The following CENPW variants were observed in gnomAD, a reference collection of about 807,000 sequenced individuals.
The protein encoded by CENPW is centromere protein W.
In CENPW, 3 loss-of-function variants were observed where a neutral mutation model predicts 11.1. That is an observed-to-expected ratio of 0.27 (90% CI 0.12 to 0.70). The LOEUF (loss-of-function observed/expected upper bound fraction) is 0.70, where lower values mean the gene tolerates loss of function less well. CENPW is among the 30% of genes least tolerant of loss of function. The pLI is 0.77. For missense variants in CENPW, 100 were observed against 105.6 expected (o/e 0.95, Z 0.23); for synonymous variants, 38 against 42.0 (o/e 0.91, Z 0.37).
chr6:126,385,454 A>G, the CENPW span, among the ~76,000 whole-genome samples: 4 of 152,096 alleles, frequency 2.6e-5, no homozygotes, highest in Admixed American at 2.0e-4. Context: ...GTCCTTTGAG[A>G]GATACTATTA....
At chr6:126,410,449 C>T in the CENPW span, among the ~76,000 whole-genome samples, 2 of 151,962 alleles carry the variant, frequency 1.3e-5, no homozygotes, top group Non-Finnish European at 2.9e-5. Context: ...TGATTTTTGA[C>T]AATTTGACTA....
At chr6:126,367,576 G>A in the CENPW span, among the ~76,000 whole-genome samples, 1 of 152,178 alleles carries the variant, frequency 6.6e-6, no homozygotes, top group African/African-American at 2.4e-5. Context: ...TTAGAGTGTA[G>A]CAGGGTAGAT....
the CENPW span, among the ~76,000 whole-genome samples, chr6:126,361,103 A>G: frequency 2.0e-5 from 3 of 152,314 alleles, no homozygotes; most frequent in African/African-American, 7.2e-5. Flanking sequence ...TTCGCGATGC[A>G]TTCAGAGGGT....
the CENPW span, among the ~76,000 whole-genome samples, chr6:126,367,131 C>T: frequency 2.0e-5 from 3 of 151,772 alleles, no homozygotes; most frequent in African/African-American, 4.8e-5. Context: ...AAATATTTAC[C>T]AGTGGAAAAT....
chr6:126,371,289 A>G, the CENPW span, among the ~76,000 whole-genome samples: 2 of 152,088 alleles, frequency 1.3e-5, no homozygotes, highest in Admixed American at 1.3e-4. Context: ...TGAGGGTTTT[A>G]ATCATAAAGG....
the CENPW span, among the ~76,000 whole-genome samples, chr6:126,383,290 GA>G: frequency 6.6e-6 from 1 of 152,040 alleles, no homozygotes; most frequent in African/African-American, 2.4e-5. Context: ...AATATGAAAA[GA>G]AAAGATCACT....
chr6:126,461,862 C>T, the CENPW span, among the ~76,000 whole-genome samples: 1 of 151,810 alleles, frequency 6.6e-6, no homozygotes. Context: ...AATTAGAAGG[C>T]CCAACTAGAT....
the CENPW span, among the ~76,000 whole-genome samples, chr6:126,473,844 T>C: frequency 6.7e-6 from 1 of 148,932 alleles, no homozygotes; most frequent in African/African-American, 2.4e-5. Context: ...AGCATAGATA[T>C]ATAGAATATA....
chr6:126,375,913 GAAATTT>G, the CENPW span, among the ~76,000 whole-genome samples: 1 of 152,238 alleles, frequency 6.6e-6, no homozygotes, highest in African/African-American at 2.4e-5. Context: ...TCCAGCCTAG[GAAATTT>G]AAAAGATTTT....
chr6:126,414,572 A>G, the CENPW span, among the ~76,000 whole-genome samples: 1 of 152,122 alleles, frequency 6.6e-6, no homozygotes, highest in African/African-American at 2.4e-5. Flanking sequence ...GAAGAAATTA[A>G]TTAGGAAATT....
chr6:126,392,329 C>G, the CENPW span, among the ~76,000 whole-genome samples: 1 of 151,860 alleles, frequency 6.6e-6, no homozygotes, highest in African/African-American at 2.4e-5. Flanking sequence ...TTGCAGTTGG[C>G]ATAAAAAATA....
the CENPW span, among the ~76,000 whole-genome samples, chr6:126,474,539 A>G: frequency 6.6e-6 from 1 of 152,174 alleles, no homozygotes; most frequent in Admixed American, 6.6e-5. Flanking sequence ...AAGAGTTATT[A>G]GGGCCAGTGG....
the CENPW span, among the ~76,000 whole-genome samples, chr6:126,455,295 T>C: frequency 2.0e-5 from 3 of 151,410 alleles, no homozygotes; most frequent in Non-Finnish European, 3.0e-5. Flanking sequence ...TAAATATAGA[T>C]GCAAAATTTC....
chr6:126,368,697 T>C, the CENPW span, among the ~76,000 whole-genome samples: 1 of 151,622 alleles, frequency 6.6e-6, no homozygotes, highest in African/African-American at 2.4e-5. Flanking sequence ...CAGGCTGGAG[T>C]GCAGTGGCGC....
chr6:126,353,431 CATATTTTTAG>C (rs1780513740), downstream of CENPW, among the ~76,000 whole-genome samples: 1 of 151,902 alleles, frequency 6.6e-6, no homozygotes, highest in South Asian at 2.1e-4. Flanking sequence ...AGGCTTCTCT[CATATTTTTAG>C]AAGTTAGGCT....
chr6:126,387,768 A>G, the CENPW span, among the ~76,000 whole-genome samples: 6 of 151,936 alleles, frequency 3.9e-5, no homozygotes, highest in Non-Finnish European at 8.8e-5. Flanking sequence ...TAGTTTCCAA[A>G]TCAGAGGATA....
At chr6:126,473,595 C>T in the CENPW span, among the ~76,000 whole-genome samples, 3 of 151,850 alleles carry the variant, frequency 2.0e-5, no homozygotes, top group South Asian at 6.2e-4. Context: ...AGCTGGGTGG[C>T]AGTGGCACAT....
chr6:126,371,015 G>A, the CENPW span, among the ~76,000 whole-genome samples: 3 of 151,950 alleles, frequency 2.0e-5, no homozygotes, highest in South Asian at 2.1e-4. Context: ...TAATCCACCC[G>A]CCCTGCCTCC....
chr6:126,471,958 A>G, the CENPW span, among the ~76,000 whole-genome samples: 1 of 152,172 alleles, frequency 6.6e-6, no homozygotes, highest in East Asian at 1.9e-4. Context: ...TCTCTTTGCT[A>G]GGTTTTTCAA....
Sources: allele counts gnomAD v4.1 joint callset (sites outside exome capture counted in the v4.1 genomes callset), GRCh38; gene constraint gnomAD v4.1.1; transcripts MANE v1.5; gene names NCBI Gene and HGNC (gene_info 2026-07-23, HGNC 2026-07-21).